PCDHGA2: variants seen among roughly 807,000 people sequenced by gnomAD.
PCDHGA2 encodes the protein protocadherin gamma-A2.
In PCDHGA2, 40 loss-of-function variants were observed where a neutral mutation model predicts 59.2. That is an observed-to-expected ratio of 0.68 (90% CI 0.52 to 0.88). The LOEUF (loss-of-function observed/expected upper bound fraction) is 0.88, where lower values mean the gene tolerates loss of function less well. PCDHGA2 is among the 40% of genes least tolerant of loss of function. PCDHGA2 has a pLI of 0.00. For synonymous variants in PCDHGA2, 560 were observed against 526.0 expected (o/e 1.06, Z -0.89); for missense variants, 1,226 against 1,204.0 (o/e 1.02, Z -0.27).
intron 2 of PCDHGA2, among the ~76,000 whole-genome samples, chr5:141,496,500 C>T (rs1350421492): frequency 6.6e-6 from 1 of 152,162 alleles, no homozygotes; most frequent in Non-Finnish European, 1.5e-5. Flanking sequence ...ACCCTTGTTG[C>T]CACAAGGACC....
intron 3 of PCDHGA2, among the ~76,000 whole-genome samples, chr5:141,506,417 A>C (rs1326078146): frequency 6.8e-6 from 1 of 147,658 alleles, no homozygotes; most frequent in Non-Finnish European, 1.5e-5. Context: ...ACTGCACTCC[A>C]GCCTGGGCAA....
At chr5:141,377,347 T>G (rs902378263) in intron 1 of PCDHGA2, 3 of 152,196 alleles carry the variant, frequency 2.0e-5, no homozygotes, top group Non-Finnish European at 2.9e-5. Flanking sequence ...GGTTCACGCC[T>G]GTAATCCCAC....
chr5:141,390,176 C>T lies in PCDHGA2; in HGVS notation c.2424+48781C>T, dbSNP rs763410454. The T allele has an allele frequency of 5.6e-6, 9 of 1,614,000 alleles. No individual in the cohort carries two copies. In the East Asian group the frequency reaches 1.1e-4, roughly 20 times the overall value. ...ATACAGGAAAGACGGAGTTTAATTT[C>T]CTAAAATGTAGTGAGCAGTTGAGTT... On this transcript the variant is annotated intron_variant, in intron 1 of 3. Transcript: ENST00000394576.
Position 141,423,358 on chromosome 5 carries a change from G to A in PCDHGA2, c.2425-71449G>A, listed in dbSNP as rs202010010. The A allele has an allele frequency of 2.3e-4, 371 of 1,614,078 alleles. 1 individual carries two copies. The highest frequency in any genetic ancestry group is 2.8e-4 in the Non-Finnish European group (334 of 1,180,024). ...CTGCATCTTCCTGGTCTTTGTCATC[G>A]TGCTGCTGGCACTCAGGCTGTGGCG... On this transcript the variant is annotated intron_variant, in intron 1 of 3. Coordinates refer to ENST00000394576, the MANE Select transcript of PCDHGA2 (RefSeq NM_018915.4).
chr5:141,438,595 T>TAC (rs2098000070), intron 1 of PCDHGA2, among the ~76,000 whole-genome samples: 6 of 58,022 alleles, frequency 1.0e-4, no homozygotes, highest in African/African-American at 1.8e-4. Context: ...TACATACATA[T>TAC]ATATATATAT....
chr5:141,510,428 G>A (rs1254357998), intron 3 of PCDHGA2, among the ~76,000 whole-genome samples: 2 of 152,092 alleles, frequency 1.3e-5, no homozygotes, highest in African/African-American at 4.8e-5. Flanking sequence ...TGGTTTCATG[G>A]CTGCTGCCCT....
At chr5:141,436,305 T>C (rs2097810667) in intron 1 of PCDHGA2, among the ~76,000 whole-genome samples, 1 of 152,184 alleles carries the variant, frequency 6.6e-6, no homozygotes. Flanking sequence ...AGTTAGAGCA[T>C]GAATAGTCAA....
At chr5:141,495,052 CTGTT>C (rs1406995321) in intron 2 of PCDHGA2, among the ~76,000 whole-genome samples, 187 bp downstream of exon 2, 1 of 152,190 alleles carries the variant, frequency 6.6e-6, no homozygotes, top group Non-Finnish European at 1.5e-5. Context: ...ACTGCCCTGA[CTGTT>C]CAGGAAGCTC....
chr5:141,345,495 A>G (rs1200879265), intron 1 of PCDHGA2: 1 of 1,614,106 alleles, frequency 6.2e-7, no homozygotes, highest in South Asian at 1.1e-5. Context: ...CGCCCGCATC[A>G]CTTATGCATT....
chr5:141,421,203 G>T, intron 1 of PCDHGA2: 1 of 1,522,612 alleles, frequency 6.6e-7, no homozygotes, highest in Non-Finnish European at 8.8e-7. Flanking sequence ...TCGAGAAACC[G>T]CGGAATATCG....
chr5:141,409,734 G>C (rs1278458472), intron 1 of PCDHGA2: 2 of 1,613,144 alleles, frequency 1.2e-6, no homozygotes, highest in Admixed American at 3.3e-5. Flanking sequence ...AGCGCGCAGA[G>C]CGGGGTGGTG....
In PCDHGA2 at chr5:141,489,872, T is replaced by A. The variant is rs2099693206; in HGVS notation, c.2425-4935T>A. 1 of 1,614,090 alleles carries A rather than the reference T, an allele frequency of 6.2e-7. No homozygotes were observed. The highest frequency in any genetic ancestry group is 8.5e-7 in the Non-Finnish European group (1 of 1,180,016). On this transcript the variant is annotated intron_variant, in intron 1 of 3. Coordinates refer to ENST00000394576, the MANE Select transcript of PCDHGA2 (RefSeq NM_018915.4). The surrounding 1 kb of genome is among the most constrained non-coding windows in gnomAD (Gnocchi z 4.5). ...GAAGCCCAGGCAAGACATCAGCTGG[T>A]GCTTACTGCTGTGGATGGGGGGACC...
At chr5:141,366,041 G>A (rs755866285) in intron 1 of PCDHGA2, 5 of 1,614,114 alleles carry the variant, frequency 3.1e-6, no homozygotes, top group Admixed American at 3.3e-5. Flanking sequence ...CCCCACAGAC[G>A]GTTCCACGGG....
At chr5:141,472,455 G>A (rs191633108) in intron 1 of PCDHGA2, among the ~76,000 whole-genome samples, 2 of 151,972 alleles carry the variant, frequency 1.3e-5, no homozygotes, top group South Asian at 2.1e-4. Context: ...CAGGAGAATC[G>A]CTTGAACCCA....
At chr5:141,363,480 A>G (rs565177899) in intron 1 of PCDHGA2, among the ~76,000 whole-genome samples, 1 of 152,366 alleles carries the variant, frequency 6.6e-6, no homozygotes, top group East Asian at 1.9e-4. Flanking sequence ...GCTTTCCTGC[A>G]TGGATGATGA....
rs1164046040 is a variant in PCDHGA2, at chr5:141,476,557, C to A, written c.2425-18250C>A. ...AAATGAAATTGGAGATTAGCGAGGC[C>A]GTGGCTCCGGGGACGCGCTTTCCGC... is the stretch of plus-strand genomic sequence containing the variant. On this transcript the variant is annotated intron_variant, in intron 1 of 3. Transcript: ENST00000394576. This position sits in a 1 kb window ranked among gnomAD's most constrained non-coding sequence, Gnocchi z 7.6. The A allele has an allele frequency of 2.5e-6, 4 of 1,614,222 alleles. No individual in the cohort carries two copies. Among genetic ancestry groups the A allele is most frequent in the Admixed American group, 3.3e-5 (2 of 60,032 alleles).
Position 141,491,944 on chromosome 5 carries a change from C to A in PCDHGA2, c.2425-2863C>A. On this transcript the variant is annotated intron_variant, in intron 1 of 3. Transcript: ENST00000394576. This position sits in a 1 kb window ranked among gnomAD's most constrained non-coding sequence, Gnocchi z 6.9. ...CGAGGGGAGGTGGGACCGACCCCCA[C>A]CCCTACACTCAAAAAAGGCCGGGGC... 2 of 1,120,270 alleles carry A rather than the reference C, an allele frequency of 1.8e-6. No individual in the cohort carries two copies. Among genetic ancestry groups the A allele is most frequent in the Non-Finnish European group, 2.4e-6 (2 of 822,060 alleles). The allele number at this position is 1,120,270 out of a possible 1,614,324, so 69.4% of individuals were successfully genotyped here.
At position 141,352,118 on chromosome 5, in the gene PCDHGA2, G is replaced by A. The variant is rs757676331; in HGVS notation, c.2424+10723G>A. The stretch of plus-strand genomic sequence containing the variant: ...GCTCTTCAGCCTGGGGTTGCGCACG[G>A]GTGAGGTGCGCACAGCGCGTGCCTT... On this transcript the variant is annotated intron_variant, in intron 1 of 3. Coordinates refer to ENST00000394576, the MANE Select transcript of PCDHGA2 (RefSeq NM_018915.4). The A allele has an allele frequency of 1.3e-5, 21 of 1,609,076 alleles. No individual in the cohort carries two copies. The East Asian group carries it at 3.8e-4, about 29-fold the overall frequency.
At chr5:141,465,229 A>G (rs1010075158) in intron 1 of PCDHGA2, among the ~76,000 whole-genome samples, 6 of 152,208 alleles carry the variant, frequency 3.9e-5, no homozygotes, top group Non-Finnish European at 2.9e-5. Flanking sequence ...CATGAGCTCC[A>G]TCAAGTTCAA....
Sources: allele counts gnomAD v4.1 joint callset (sites outside exome capture counted in the v4.1 genomes callset), GRCh38; gene constraint gnomAD v4.1.1; non-coding constraint Gnocchi (gnomAD v3.1); transcripts MANE v1.5; gene names NCBI Gene and HGNC (gene_info 2026-07-23, HGNC 2026-07-21).